Variants in KCNIP4 observed in about 807,000 individuals in gnomAD.
KCNIP4 encodes Kv channel-interacting protein 4.
In KCNIP4, 12 loss-of-function variants were observed where a neutral mutation model predicts 34.0. The observed-to-expected ratio is 0.35, with a 90% CI of 0.23 to 0.57. The LOEUF (loss-of-function observed/expected upper bound fraction) is 0.57, where lower values mean the gene tolerates loss of function less well. Among genes scored for constraint, KCNIP4 ranks in the 20% least tolerant of loss-of-function variants. The pLI is 0.83. For missense variants in KCNIP4, 238 were observed against 311.7 expected, an observed-to-expected ratio of 0.76 and a Z score of 1.78; for synonymous variants, 124 against 102.2, an observed-to-expected ratio of 1.21 and a Z score of -1.29.
intron 1 of KCNIP4, among the ~76,000 whole-genome samples, chr4:21,859,065 T>G (rs1178347345): frequency 3.9e-5 from 6 of 152,164 alleles, no homozygotes; most frequent in African/African-American, 1.4e-4. Flanking sequence ...ATCACTGCTC[T>G]TAGATAAGGG....
At chr4:21,722,362 C>T (rs576492112) in intron 1 of KCNIP4, among the ~76,000 whole-genome samples, 96 of 151,944 alleles carry the variant, frequency 6.3e-4, no homozygotes, top group African/African-American at 2.1e-3. Flanking sequence ...TCAGGGTAGG[C>T]GTTACTAAAA....
chr4:20,963,456 G>A (rs1734049798), intron 1 of KCNIP4, among the ~76,000 whole-genome samples: 1 of 151,376 alleles, frequency 6.6e-6, no homozygotes, highest in African/African-American at 2.4e-5. Flanking sequence ...TAAAACTCAG[G>A]GAGTCATGTA....
chr4:21,740,377 C>A (rs2109127185), intron 1 of KCNIP4, among the ~76,000 whole-genome samples: 1 of 152,032 alleles, frequency 6.6e-6, no homozygotes, highest in Admixed American at 6.6e-5. Context: ...CCCTTCCTTC[C>A]CTCTTTTCAT....
intron 1 of KCNIP4, among the ~76,000 whole-genome samples, chr4:21,130,859 G>T (rs938691604): frequency 1.3e-5 from 2 of 152,112 alleles, no homozygotes; most frequent in African/African-American, 4.8e-5. Context: ...TTATAATGGG[G>T]TTACAGTCCA....
chr4:21,178,641 C>T (rs1258882404), intron 1 of KCNIP4, among the ~76,000 whole-genome samples: 1 of 80,472 alleles, frequency 1.2e-5, no homozygotes, highest in Non-Finnish European at 2.5e-5. Flanking sequence ...AATTATATTA[C>T]TTCACTTAAC....
intron 1 of KCNIP4, among the ~76,000 whole-genome samples, chr4:21,299,488 T>A (rs1206055558): frequency 1.3e-5 from 2 of 152,114 alleles, no homozygotes; most frequent in Non-Finnish European, 2.9e-5. Context: ...TACTAGATGG[T>A]GTAAAAAGAT....
At chr4:21,593,119 TTGTGTG>T (rs536946716) in intron 1 of KCNIP4, among the ~76,000 whole-genome samples, 10 of 134,986 alleles carry the variant, frequency 7.4e-5, no homozygotes, top group Non-Finnish European at 1.6e-5. Context: ...GTGTGTGTGT[TTGTGTG>T]TGTGTGTGTG....
chr4:20,941,357 G>A (rs1560587410), intron 1 of KCNIP4, among the ~76,000 whole-genome samples: 1 of 152,162 alleles, frequency 6.6e-6, no homozygotes. Flanking sequence ...AAGAAATTGG[G>A]TAAACTTTTC....
intron 1 of KCNIP4, among the ~76,000 whole-genome samples, chr4:21,505,696 T>TC (rs1733789414): frequency 6.6e-6 from 1 of 152,208 alleles, no homozygotes; most frequent in African/African-American, 2.4e-5. Context: ...ATCTTATTCA[T>TC]CTTAGTATCT....
chr4:21,292,195 T>C (rs1432533484), intron 1 of KCNIP4, among the ~76,000 whole-genome samples: 1 of 152,170 alleles, frequency 6.6e-6, no homozygotes, highest in Non-Finnish European at 1.5e-5. Flanking sequence ...TTTGGATCGA[T>C]AGTACAAAAT....
intron 3 of KCNIP4, among the ~76,000 whole-genome samples, chr4:20,811,518 C>T (rs547510195): frequency 0.11 from 15,497 of 143,704 alleles, 976 homozygotes; most frequent in South Asian, 0.23. Flanking sequence ...TGTGTGTGCG[C>T]GCGCGCACGC....
intron 3 of KCNIP4, among the ~76,000 whole-genome samples, chr4:20,809,833 T>TTA (rs1418003686): frequency 6.6e-6 from 1 of 152,148 alleles, no homozygotes; most frequent in Admixed American, 6.5e-5. Context: ...GAGTCTGCCC[T>TTA]TATATGAACT....
intron 1 of KCNIP4, among the ~76,000 whole-genome samples, chr4:21,622,363 C>T (rs1362786241): frequency 6.6e-6 from 1 of 152,090 alleles, no homozygotes; most frequent in African/African-American, 2.4e-5. Flanking sequence ...TGTGTTTTCT[C>T]AACCTTTTGC....
intron 1 of KCNIP4, among the ~76,000 whole-genome samples, chr4:21,939,509 T>G (rs546899141): frequency 6.6e-6 from 1 of 152,272 alleles, no homozygotes; most frequent in East Asian, 1.9e-4. Flanking sequence ...TGGCTTCCTT[T>G]TTCCATGTTT....
At chr4:21,131,599 G>T (rs1224081339) in intron 1 of KCNIP4, among the ~76,000 whole-genome samples, 1 of 152,090 alleles carries the variant, frequency 6.6e-6, no homozygotes, top group Non-Finnish European at 1.5e-5. Flanking sequence ...GACAGAAGGA[G>T]ACTCAGTCTC....
chr4:20,986,067 C>T lies in KCNIP4; in HGVS notation c.62-103358G>A, dbSNP rs565659685. On this transcript the variant is annotated intron_variant, in intron 1 of 8. Coordinates refer to ENST00000382152, the MANE Select transcript of KCNIP4 (RefSeq NM_025221.6). ...AGCCCAGTCCCTGGGGTCCCCTGCT[C>T]ACATATGGTAGTTGTGGGGTTATGA... is the stretch of plus-strand genomic sequence containing the variant. 3.3e-5 allele frequency among the ~76,000 whole-genome samples: 5 copies of T among 152,238 alleles called. No individual in the cohort carries two copies. In the South Asian group the frequency reaches 1.0e-3, roughly 32 times the overall value.
At chr4:21,196,115 G>A (rs1333046272) in intron 1 of KCNIP4, among the ~76,000 whole-genome samples, 1 of 152,176 alleles carries the variant, frequency 6.6e-6, no homozygotes, top group Admixed American at 6.5e-5. Flanking sequence ...GTAGTATACA[G>A]TATTACGAAT....
chr4:20,780,158 C>G (rs887540062), intron 3 of KCNIP4, among the ~76,000 whole-genome samples: 1 of 152,234 alleles, frequency 6.6e-6, no homozygotes, highest in Non-Finnish European at 1.5e-5. Context: ...AAAGGTCTTG[C>G]TTGCAGAATC....
chr4:21,397,375 A>G (rs1056063542), intron 1 of KCNIP4, among the ~76,000 whole-genome samples: 2 of 152,188 alleles, frequency 1.3e-5, no homozygotes, highest in African/African-American at 4.8e-5. Context: ...CATGAATAAT[A>G]TCATCACATT....
Sources: allele counts gnomAD v4.1 joint callset (sites outside exome capture counted in the v4.1 genomes callset), GRCh38; gene constraint gnomAD v4.1.1; transcripts MANE v1.5; gene names NCBI Gene and HGNC (gene_info 2026-07-23, HGNC 2026-07-21).